Variants in TSHZ2 observed in about 807,000 individuals in gnomAD.
TSHZ2 encodes the protein teashirt zinc finger homeobox 2.
A neutral mutation model predicts 74.4 loss-of-function variants in TSHZ2; 21 were observed. The observed-to-expected ratio is 0.28, with a 90% CI of 0.20 to 0.41. TSHZ2 has a LOEUF of 0.41. TSHZ2 is among the 10% of genes least tolerant of loss of function. TSHZ2 has a pLI of 1.00. For synonymous variants in TSHZ2, 540 were observed against 515.3 expected, an observed-to-expected ratio of 1.05 and a Z score of -0.65; for missense variants, 1,244 against 1,293.5, an observed-to-expected ratio of 0.96 and a Z score of 0.59.
At chr20:53,033,651 CTTTTTTTTTTTTTTT>C (rs61445726) in intron 1 of TSHZ2, among the ~76,000 whole-genome samples, 1 of 59,020 alleles carries the variant, frequency 1.7e-5, no homozygotes, top group African/African-American at 6.4e-5. Flanking sequence ...TGATAAAAAG[CTTTTTTTTTTTTTTT>C]TTTTTTTTTT....
chr20:53,227,253 A>G (rs902767123), intron 1 of TSHZ2, among the ~76,000 whole-genome samples: 6 of 151,910 alleles, frequency 3.9e-5, no homozygotes, highest in African/African-American at 1.5e-4. Context: ...ATCAAAACAA[A>G]CAAGGGTCAG....
chr20:53,361,409 G>A (rs541338811), intron 2 of TSHZ2, among the ~76,000 whole-genome samples: 2 of 152,328 alleles, frequency 1.3e-5, no homozygotes, highest in South Asian at 4.1e-4. Flanking sequence ...GTCATAAGCC[G>A]AGGCTTCTCC....
intron 1 of TSHZ2, among the ~76,000 whole-genome samples, chr20:53,251,914 C>T (rs1303993095): frequency 3.3e-5 from 5 of 152,194 alleles, no homozygotes; most frequent in East Asian, 3.8e-4. Flanking sequence ...CTCCTGTATT[C>T]GGGCATTCTC....
At chr20:53,329,034 C>T (rs1189576181) in intron 2 of TSHZ2, among the ~76,000 whole-genome samples, 1 of 152,188 alleles carries the variant, frequency 6.6e-6, no homozygotes, top group Non-Finnish European at 1.5e-5. Flanking sequence ...AGGCAAGTAA[C>T]ATTTCTACTA....
chr20:53,435,378 C>T (rs1255789394), intron 2 of TSHZ2, among the ~76,000 whole-genome samples: 2 of 152,200 alleles, frequency 1.3e-5, no homozygotes, highest in African/African-American at 2.4e-5. Flanking sequence ...TGACTGTTTC[C>T]TTCTTTGTTT....
chr20:53,465,873 T>A (rs1181826214), intron 2 of TSHZ2, among the ~76,000 whole-genome samples: 1 of 151,672 alleles, frequency 6.6e-6, no homozygotes, highest in African/African-American at 2.4e-5. Flanking sequence ...CTGAATTATT[T>A]AAGTGTGTGT....
chr20:53,006,183 C>G (rs560798848), intron 1 of TSHZ2, among the ~76,000 whole-genome samples: 2 of 152,314 alleles, frequency 1.3e-5, no homozygotes, highest in African/African-American at 4.8e-5. Context: ...TGTTCCCAGA[C>G]AGACTCACAG....
intron 2 of TSHZ2, among the ~76,000 whole-genome samples, chr20:53,343,112 G>A (rs529253514): frequency 2.2e-4 from 33 of 151,680 alleles, no homozygotes; most frequent in Non-Finnish European, 3.1e-4. Flanking sequence ...GATTACAGGC[G>A]TGTGCCACCA....
intron 1 of TSHZ2, among the ~76,000 whole-genome samples, chr20:53,100,206 A>T (rs1346148960): frequency 6.6e-6 from 1 of 151,990 alleles, no homozygotes; most frequent in Admixed American, 6.6e-5. Context: ...GCACTCGTGG[A>T]CTCTGATTCT....
chr20:53,131,025 T>C (rs1189159658), intron 1 of TSHZ2, among the ~76,000 whole-genome samples: 1 of 152,236 alleles, frequency 6.6e-6, no homozygotes, highest in Non-Finnish European at 1.5e-5. Flanking sequence ...CTAATATCAC[T>C]TTCAGTGATG....
intron 2 of TSHZ2, among the ~76,000 whole-genome samples, chr20:53,383,156 G>C (rs969076855): frequency 6.6e-6 from 1 of 151,986 alleles, no homozygotes; most frequent in African/African-American, 2.4e-5. Flanking sequence ...CCAGCTACTC[G>C]GGAGGCTGAG....
At chr20:52,982,382 TA>T (rs1380524015) in intron 1 of TSHZ2, among the ~76,000 whole-genome samples, 1 of 152,192 alleles carries the variant, frequency 6.6e-6, no homozygotes, top group African/African-American at 2.4e-5. Context: ...CCCCTGTGTC[TA>T]TTGTGATGTC....
At chr20:53,024,312 TG>T (rs1470041012) in intron 1 of TSHZ2, among the ~76,000 whole-genome samples, 2 of 151,780 alleles carry the variant, frequency 1.3e-5, no homozygotes, top group Admixed American at 1.3e-4. Context: ...TGGCGTTTCC[TG>T]GTTTGTGTTT....
chr20:53,005,012 A>T (rs1982586136), intron 1 of TSHZ2, among the ~76,000 whole-genome samples: 1 of 152,098 alleles, frequency 6.6e-6, no homozygotes, highest in Non-Finnish European at 1.5e-5. Flanking sequence ...ACTGCACTAC[A>T]TATAAGAAGC....
intron 1 of TSHZ2, among the ~76,000 whole-genome samples, chr20:53,032,951 T>C (rs1441487408): frequency 2.0e-5 from 3 of 152,172 alleles, no homozygotes; most frequent in African/African-American, 7.2e-5. Context: ...CCCATGGGGT[T>C]ATACTGGAAT....
At chr20:53,178,847 A>G (rs1988405173) in intron 1 of TSHZ2, 1 of 152,186 alleles carries the variant, frequency 6.6e-6, no homozygotes, top group African/African-American at 2.4e-5. Flanking sequence ...ATAAATTTGG[A>G]TTTTCAAGCT....
chr20:53,332,248 C>T (rs572833754), intron 2 of TSHZ2, among the ~76,000 whole-genome samples: 2 of 152,288 alleles, frequency 1.3e-5, no homozygotes, highest in Admixed American at 1.3e-4. Context: ...CTGGAATCAC[C>T]TAACAAAAAC....
rs892866965 is a variant in TSHZ2, at chr20:53,441,828, C to T, written c.*9-45316C>T. Among the ~76,000 whole-genome samples the T allele has an allele frequency of 5.3e-5, 8 of 152,046 alleles. No individual in the cohort carries two copies. The South Asian group carries it at 6.2e-4, about 12-fold the overall frequency. ...AACTCCTGACCTCAAATGATCCACC[C>T]GCCTCAGCCTCCCAAAGTGCTGGTG... On this transcript the variant is annotated intron_variant, in intron 2 of 2. Coordinates refer to ENST00000371497, the MANE Select transcript of TSHZ2 (RefSeq NM_173485.6).
At chr20:53,400,417 G>A (rs1410629134) in intron 2 of TSHZ2, 1 of 152,292 alleles carries the variant, frequency 6.6e-6, no homozygotes, top group Non-Finnish European at 1.5e-5. Flanking sequence ...AGCATACGTC[G>A]AAACTTCCTC....
Sources: allele counts gnomAD v4.1 joint callset (sites outside exome capture counted in the v4.1 genomes callset), GRCh38; gene constraint gnomAD v4.1.1; transcripts MANE v1.5; gene names NCBI Gene and HGNC (gene_info 2026-07-23, HGNC 2026-07-21).